RBFOX3: variants seen among roughly 807,000 people sequenced by gnomAD.
RBFOX3 encodes the protein RNA binding protein fox-1 homolog 3.
In RBFOX3, 17 loss-of-function variants were observed where a neutral mutation model predicts 48.7. The ratio of observed to expected loss-of-function variants is 0.35; its 90% CI spans 0.24 to 0.52. The LOEUF is 0.52. Among genes scored for constraint, RBFOX3 ranks in the 20% least tolerant of loss-of-function variants. The pLI is 0.94. For synonymous variants in RBFOX3, 212 were observed against 209.5 expected (o/e 1.01, Z -0.10); for missense variants, 382 against 497.5 (o/e 0.77, Z 2.21).
At chr17:79,258,647 C>T (rs535414628) in intron 3 of RBFOX3, among the ~76,000 whole-genome samples, 12 of 152,220 alleles carry the variant, frequency 7.9e-5, no homozygotes, top group Admixed American at 2.0e-4. Flanking sequence ...GGGAACGTGG[C>T]GAAGTTCTTC....
chr17:79,264,547 T>C (rs2066351967), intron 3 of RBFOX3, among the ~76,000 whole-genome samples: 1 of 152,114 alleles, frequency 6.6e-6, no homozygotes, highest in South Asian at 2.1e-4. Context: ...TCCAGAACAG[T>C]GAGAATCCAT....
chr17:79,161,198 G>A (rs993144364), intron 4 of RBFOX3, among the ~76,000 whole-genome samples: 1 of 152,288 alleles, frequency 6.6e-6, no homozygotes, highest in East Asian at 1.9e-4. Flanking sequence ...GCTCCCTGGA[G>A]GAGGTGGCCC....
At chr17:79,097,213 A>G in intron 11 of RBFOX3, 79 bp downstream of exon 11, 2 of 906,192 alleles carry the variant, frequency 2.2e-6, no homozygotes, top group Non-Finnish European at 2.9e-6. Context: ...AGCCCCTCGC[A>G]CTGCGCAGGG....
intron 4 of RBFOX3, among the ~76,000 whole-genome samples, chr17:79,179,769 G>A (rs1436186545): frequency 6.6e-6 from 1 of 152,202 alleles, no homozygotes; most frequent in Non-Finnish European, 1.5e-5. Context: ...CCTGCTGATG[G>A]TCTAGATTTT....
chr17:79,341,572 C>T (rs928325981), intron 2 of RBFOX3, among the ~76,000 whole-genome samples: 6 of 152,184 alleles, frequency 3.9e-5, no homozygotes, highest in East Asian at 3.9e-4. Flanking sequence ...GGCTGGGGCA[C>T]GGCTGTCCTA....
intron 3 of RBFOX3, among the ~76,000 whole-genome samples, chr17:79,288,643 G>A (rs2072549597): frequency 6.6e-6 from 1 of 152,032 alleles, no homozygotes. Context: ...AGCTTCAGTG[G>A]CCCACACTCC....
chr17:79,485,187 A>G (rs1056317601), intron 1 of RBFOX3, among the ~76,000 whole-genome samples: 91 of 152,236 alleles, frequency 6.0e-4, no homozygotes, highest in East Asian at 7.8e-4. Context: ...CTGACTTGTC[A>G]GTTCTCTTGC....
At chr17:79,332,536 G>A (rs187446834) in intron 2 of RBFOX3, among the ~76,000 whole-genome samples, 38 of 149,438 alleles carry the variant, frequency 2.5e-4, no homozygotes, top group African/African-American at 9.0e-4. Flanking sequence ...GGGGCAGCCA[G>A]AGACAGAGAC....
intron 3 of RBFOX3, among the ~76,000 whole-genome samples, chr17:79,286,597 G>A (rs980245955): frequency 5.9e-5 from 9 of 152,166 alleles, no homozygotes; most frequent in African/African-American, 1.7e-4. Flanking sequence ...AGCTTAATAC[G>A]CTGCGGCTCC....
chr17:79,306,428 A>C (rs778685687), intron 3 of RBFOX3, among the ~76,000 whole-genome samples: 3 of 152,228 alleles, frequency 2.0e-5, no homozygotes, highest in Non-Finnish European at 4.4e-5. Flanking sequence ...AGTGCAACGG[A>C]GCCTGCTGCC....
At chr17:79,557,883 G>C (rs1009813848) in intron 1 of RBFOX3, among the ~76,000 whole-genome samples, 3 of 152,238 alleles carry the variant, frequency 2.0e-5, no homozygotes, top group East Asian at 3.8e-4. Flanking sequence ...CGAGGACGCA[G>C]GGGGTGGCGC....
the RBFOX3 span, among the ~76,000 whole-genome samples, chr17:79,638,647 G>T: frequency 6.6e-6 from 1 of 152,310 alleles, no homozygotes; most frequent in South Asian, 2.1e-4. Flanking sequence ...GAGGTGTTTG[G>T]GTCACAGGAG....
chr17:79,492,895 G>A (rs1162521817), intron 1 of RBFOX3, among the ~76,000 whole-genome samples: 1 of 152,192 alleles, frequency 6.6e-6, no homozygotes, highest in Non-Finnish European at 1.5e-5. Flanking sequence ...GAGGAGGGAG[G>A]AGGAAGAGCC....
chr17:79,617,421 C>A, the RBFOX3 span, among the ~76,000 whole-genome samples: 1 of 152,078 alleles, frequency 6.6e-6, no homozygotes, highest in Non-Finnish European at 1.5e-5. Context: ...TCCACACCCA[C>A]GGACACCCCA....
chr17:79,288,657 G>A lies in RBFOX3; in HGVS notation c.-74+19067C>T, dbSNP rs557368739. ...CAGCTTCAGTGGCCCACACTCCAGCGAAATCCCAGGGCCTCTTTCCCCTGG... is the reference window on the plus strand; with the variant it reads ...CAGCTTCAGTGGCCCACACTCCAGCAAAATCCCAGGGCCTCTTTCCCCTGG... On this transcript the variant is annotated intron_variant, in intron 3 of 14. Coordinates refer to ENST00000693108, the MANE Select transcript of RBFOX3 (RefSeq NM_001350451.2). Among the ~76,000 whole-genome samples, 348 of 152,114 alleles carry A rather than the reference G, an allele frequency of 2.3e-3. 2 individuals carry two copies. The highest frequency in any genetic ancestry group is 8.2e-3 in the African/African-American group (342 of 41,484).
At chr17:79,437,935 CA>C (rs2069898667) in intron 2 of RBFOX3, among the ~76,000 whole-genome samples, 1 of 111,612 alleles carries the variant, frequency 9.0e-6, no homozygotes, top group Non-Finnish European at 2.2e-5. Flanking sequence ...CACGCATTCA[CA>C]CACAGATACA....
intron 4 of RBFOX3, among the ~76,000 whole-genome samples, chr17:79,184,952 G>A (rs1372250965): frequency 6.6e-6 from 1 of 152,242 alleles, no homozygotes; most frequent in Non-Finnish European, 1.5e-5. Context: ...CCCACTGCAG[G>A]ACACGTGGCC....
intron 2 of RBFOX3, among the ~76,000 whole-genome samples, chr17:79,411,420 C>G (rs1163189134): frequency 6.6e-6 from 1 of 152,188 alleles, no homozygotes; most frequent in African/African-American, 2.4e-5. Flanking sequence ...CACCGTCCCT[C>G]TGTGTGGAGC....
At chr17:79,492,611 G>T (rs976086638) in intron 1 of RBFOX3, among the ~76,000 whole-genome samples, 1 of 152,222 alleles carries the variant, frequency 6.6e-6, no homozygotes, top group Non-Finnish European at 1.5e-5. Flanking sequence ...TCGAAGGGAC[G>T]CTGAGCCAGG....
Sources: allele counts gnomAD v4.1 joint callset (sites outside exome capture counted in the v4.1 genomes callset), GRCh38; gene constraint gnomAD v4.1.1; transcripts MANE v1.5; gene names NCBI Gene and HGNC (gene_info 2026-07-23, HGNC 2026-07-21).